Variants in TMPRSS4 observed in about 807,000 individuals in gnomAD.
TMPRSS4 encodes transmembrane serine protease 4, also known as transmembrane protease serine 4.
Under a neutral mutation model 56.4 loss-of-function variants are expected in TMPRSS4, and 45 were observed. The ratio of observed to expected loss-of-function variants is 0.80; its 90% CI spans 0.63 to 1.02. TMPRSS4 has a LOEUF of 1.02. Ranked by LOEUF, TMPRSS4 falls within the 50% of genes least tolerant of loss-of-function variation. The pLI is 0.00. For missense variants in TMPRSS4, 546 were observed against 556.7 expected, an observed-to-expected ratio of 0.98 and a Z score of 0.19; for synonymous variants, 205 against 211.0, an observed-to-expected ratio of 0.97 and a Z score of 0.25.
At chr11:118,103,007 T>A (rs1946794405) in intron 3 of TMPRSS4, 94 bp from the exon 4 acceptor site, 3 of 1,521,430 alleles carry the variant, frequency 2.0e-6, no homozygotes, top group Non-Finnish European at 2.7e-6. Flanking sequence ...CATGCGTGTC[T>A]GAGAGCCCAG....
At chr11:118,093,688 T>C (rs927657212) in intron 1 of TMPRSS4, among the ~76,000 whole-genome samples, 2 of 152,166 alleles carry the variant, frequency 1.3e-5, no homozygotes, top group South Asian at 4.1e-4. Flanking sequence ...AGTAAAGTAC[T>C]CAAGTCTAAA....
At chr11:118,079,332 C>T (rs1756718850) in intron 1 of TMPRSS4, among the ~76,000 whole-genome samples, 2 of 152,158 alleles carry the variant, frequency 1.3e-5, no homozygotes, top group African/African-American at 2.4e-5. Flanking sequence ...TCCTTCCATC[C>T]CCACAGGCCC....
At chr11:118,122,768 A>T (rs760302365), downstream of TMPRSS4, among the ~76,000 whole-genome samples, 1 of 152,184 alleles carries the variant, frequency 6.6e-6, no homozygotes, top group Non-Finnish European at 1.5e-5. Flanking sequence ...TCATCAATGG[A>T]TGCTATTGTC....
chr11:118,108,036 G>C (rs567365586), intron 6 of TMPRSS4, 161 bp downstream of exon 6: 13 of 601,770 alleles, frequency 2.2e-5, no homozygotes, highest in Non-Finnish European at 3.8e-5. Context: ...AAGAGCTATA[G>C]ACTCACATTT....
intron 8 of TMPRSS4, 110 bp from the exon 9 acceptor site, chr11:118,113,159 C>A: frequency 9.0e-7 from 1 of 1,106,756 alleles, no homozygotes; most frequent in Non-Finnish European, 1.3e-6. Context: ...ATCTTTCCTC[C>A]CAAGGCAGTG....
Position 118,094,815 on chromosome 11 carries a change from A to G in TMPRSS4, c.4-1A>G, listed in dbSNP as rs2276122. 595,063 of 1,609,458 alleles carry G rather than the reference A, an allele frequency of 0.37. 114,738 individuals are homozygous for G. The highest frequency in any genetic ancestry group is 0.48 in the South Asian group (43,643 of 90,192). On this transcript the variant is annotated splice_acceptor_variant, in intron 1 of 12. Coordinates refer to ENST00000437212, the MANE Select transcript of TMPRSS4 (RefSeq NM_019894.4). LOFTEE classifies it high-confidence loss of function. ...CAACTCACTGACTGTTTTTCCTTCAATTACAGGATCCTGACAGTGATCAAC... is the reference window on the plus strand; with the variant it reads ...CAACTCACTGACTGTTTTTCCTTCAGTTACAGGATCCTGACAGTGATCAAC...
rs112818966 is a variant in TMPRSS4, at chr11:118,099,781, G to A, written c.157+683G>A. On this transcript the variant is annotated intron_variant, in intron 3 of 12. Transcript: ENST00000437212. ...CTTGTGAGGAGGGGAGAAAGAGGAG[G>A]CAGCAGGGAAGACCCCCCAGGCAGT... Among the ~76,000 whole-genome samples the A allele has an allele frequency of 2.8e-3, 427 of 152,254 alleles. 2 individuals carry two copies. Among genetic ancestry groups the A allele is most frequent in the African/African-American group, 9.8e-3 (407 of 41,534 alleles).
At chr11:118,104,263 G>A (rs1946874355) in intron 4 of TMPRSS4, among the ~76,000 whole-genome samples, 1 of 152,150 alleles carries the variant, frequency 6.6e-6, no homozygotes, top group Non-Finnish European at 1.5e-5. Context: ...GACCTTACTT[G>A]GAGAAGGACT....
In TMPRSS4 at chr11:118,115,264, G is replaced by A. The variant is rs925034286; in HGVS notation, c.1136G>A (p.Gly379Asp). Residue 379 changes from glycine (G) to aspartate (D), a missense_variant, in exon 11 of 13, where the codon GGT becomes GAT. Physicochemically the swap from Gly to Asp is moderately conservative, Grantham distance 94. Transcript: ENST00000437212. ...KMMCAGIPEG[G>D]VDTCQGDSGG... ...ATGTGTGCAGGCATCCCGGAAGGGG[G>A]TGTGGACACCTGCCAGGTGGGGCCT... 5.0e-6 allele frequency: 8 copies of A among 1,612,642 alleles called. No individual in the cohort carries two copies. The highest frequency in any genetic ancestry group is 1.3e-5 in the African/African-American group (1 of 74,904).
At chr11:118,092,183 T>C (rs766780505) in intron 1 of TMPRSS4, among the ~76,000 whole-genome samples, 22 of 152,002 alleles carry the variant, frequency 1.4e-4, no homozygotes, top group Non-Finnish European at 2.8e-4. Flanking sequence ...CAGAGGATGG[T>C]GTAACCGCCC....
In TMPRSS4 at chr11:118,120,923, C is replaced by T. The variant is rs2135481485; in HGVS notation, c.*3010C>T. ...CAAGGTGGAAAAATTAGAATAAATC[C>T]ACACCTATGTACATTATAATGAAAC... On this transcript the variant is annotated 3_prime_UTR_variant, in exon 13 of 13. Transcript: ENST00000437212. 1 of 152,240 alleles carries T rather than the reference C, an allele frequency of 6.6e-6. No homozygotes were observed. The highest frequency in any genetic ancestry group is 1.9e-4 in the East Asian group (1 of 5,182). 9.4% of individuals were successfully genotyped at this position (152,240 alleles called of 1,614,324 possible).
chr11:118,098,218 A>T (rs1203498693), intron 2 of TMPRSS4, among the ~76,000 whole-genome samples: 1 of 151,916 alleles, frequency 6.6e-6, no homozygotes, highest in Non-Finnish European at 1.5e-5. Context: ...CTGCCTTCCA[A>T]CTTGCCTTTA....
intron 4 of TMPRSS4, among the ~76,000 whole-genome samples, chr11:118,103,938 C>A (rs1946861407): frequency 6.6e-6 from 1 of 152,122 alleles, no homozygotes; most frequent in South Asian, 2.1e-4. Flanking sequence ...GCCACTTCGC[C>A]AGCTATTGGT....
At position 118,118,285 on chromosome 11, in the gene TMPRSS4, G is replaced by A; in HGVS notation, c.*372G>A. ...TGTGGGCTGGAGAGGAGAAGGAAAG[G>A]GTCTGCGCCAGCCCTGTCCGTCTTC... On this transcript the variant is annotated 3_prime_UTR_variant, in exon 13 of 13. Coordinates refer to ENST00000437212, the MANE Select transcript of TMPRSS4 (RefSeq NM_019894.4). 4 of 1,148,156 alleles carry A rather than the reference G, an allele frequency of 3.5e-6. No individual in the cohort carries two copies. Among genetic ancestry groups the A allele is most frequent in the Non-Finnish European group, 4.3e-6 (4 of 932,264 alleles). 71.1% of individuals were successfully genotyped at this position (1,148,156 alleles called of 1,614,324 possible).
At position 118,119,338 on chromosome 11, in the gene TMPRSS4, T is replaced by A; in HGVS notation, c.*1425T>A. On this transcript the variant is annotated 3_prime_UTR_variant, in exon 13 of 13. Transcript: ENST00000437212. ...AGCAGGGATAACTGATGGCAGTAAA[T>A]GTGGTCTCAAATTGCAGATGGTCTG... 1 of 985,398 alleles carries A rather than the reference T, an allele frequency of 1.0e-6. No individual in the cohort carries two copies. The highest frequency in any genetic ancestry group is 1.2e-6 in the Non-Finnish European group (1 of 829,914). 61.0% of individuals were successfully genotyped at this position (985,398 alleles called of 1,614,324 possible).
At chr11:118,092,022 G>T (rs1182558404) in intron 1 of TMPRSS4, among the ~76,000 whole-genome samples, 3 of 151,840 alleles carry the variant, frequency 2.0e-5, no homozygotes, top group African/African-American at 4.8e-5. Flanking sequence ...AAACAGCAAG[G>T]GTACAAAGGC....
Position 118,103,199 on chromosome 11 carries a change from G to A in TMPRSS4, c.256G>A (p.Gly86Arg). ...TGACGGAGAGCTGGACTGTCCCTTG[G>A]GGGAGGACGAGGAGCACTGTGTCAA... ...LCDGELDCPL[G>R]EDEEHCVKSF... The change falls in exon 4 of 13, where the codon GGG (glycine) becomes AGG (arginine). Residue 86 changes from glycine (G) to arginine (R), a missense_variant. Coordinates refer to ENST00000437212, the MANE Select transcript of TMPRSS4 (RefSeq NM_019894.4). 2 of 1,614,242 alleles carry A rather than the reference G, an allele frequency of 1.2e-6. No individual in the cohort carries two copies. Among genetic ancestry groups the A allele is most frequent in the Admixed American group, 1.7e-5 (1 of 60,032 alleles).
At chr11:118,103,686 A>G (rs1946847846) in intron 4 of TMPRSS4, among the ~76,000 whole-genome samples, 1 of 152,098 alleles carries the variant, frequency 6.6e-6, no homozygotes. Flanking sequence ...CCAGCTGTGT[A>G]AGTTTCTTGA....
chr11:118,120,527 G>C lies in TMPRSS4; in HGVS notation c.*2614G>C, dbSNP rs1947759224. 1 of 151,944 alleles carries C rather than the reference G, an allele frequency of 6.6e-6. No individual in the cohort carries two copies. Among genetic ancestry groups the C allele is most frequent in the South Asian group, 2.1e-4 (1 of 4,810 alleles). 9.4% of individuals were successfully genotyped at this position (151,944 alleles called of 1,614,324 possible). On this transcript the variant is annotated 3_prime_UTR_variant, in exon 13 of 13. Coordinates refer to ENST00000437212, the MANE Select transcript of TMPRSS4 (RefSeq NM_019894.4). ...CTTAATAATCAAGCAAAAATAACAG[G>C]CAGATTTGAAAAAGAACTGAATACA...
Sources: allele counts gnomAD v4.1 joint callset (sites outside exome capture counted in the v4.1 genomes callset), GRCh38; gene constraint gnomAD v4.1.1; transcripts MANE v1.5; gene names NCBI Gene and HGNC (gene_info 2026-07-23, HGNC 2026-07-21).